The following TMOD3 variants were observed in gnomAD, a reference collection of about 807,000 sequenced individuals.
The protein encoded by TMOD3 is tropomodulin-3.
In TMOD3, 20 loss-of-function variants were observed where a neutral mutation model predicts 39.2. The observed-to-expected ratio is 0.51, with a 90% CI of 0.36 to 0.74. TMOD3 has a LOEUF of 0.74. TMOD3 is among the 30% of genes least tolerant of loss of function. The pLI, the probability that TMOD3 is intolerant of heterozygous loss-of-function variation, is 0.00. For synonymous variants in TMOD3, 143 were observed against 145.8 expected (o/e 0.98, Z 0.14); for missense variants, 381 against 412.8 (o/e 0.92, Z 0.67).
At chr15:51,849,800 G>T (rs909812157) in intron 1 of TMOD3, among the ~76,000 whole-genome samples, 1 of 152,106 alleles carries the variant, frequency 6.6e-6, no homozygotes, top group Non-Finnish European at 1.5e-5. Flanking sequence ...CAGGCATGGT[G>T]GCTCACACCT....
At chr15:51,869,448 C>A in intron 3 of TMOD3, 75 bp downstream of exon 3, 7 of 1,440,094 alleles carry the variant, frequency 4.9e-6, no homozygotes, top group Middle Eastern at 4.0e-4. Context: ...TGGAGAAAAT[C>A]ATATTTTTAG....
intron 2 of TMOD3, among the ~76,000 whole-genome samples, chr15:51,865,212 CAT>C (rs1401268879): frequency 6.6e-6 from 1 of 152,108 alleles, no homozygotes; most frequent in Non-Finnish European, 1.5e-5. Context: ...GACTGAAAAA[CAT>C]AATACCCTCC....
intron 3 of TMOD3, among the ~76,000 whole-genome samples, chr15:51,869,824 A>G (rs2141689846): frequency 6.6e-6 from 1 of 152,306 alleles, no homozygotes; most frequent in South Asian, 2.1e-4. Context: ...ATGATTGCTA[A>G]TGCTTCATAA....
At chr15:51,896,155 A>T (rs1234278709) in intron 6 of TMOD3, among the ~76,000 whole-genome samples, 1 of 151,100 alleles carries the variant, frequency 6.6e-6, no homozygotes, top group East Asian at 1.9e-4. Flanking sequence ...GAGAATAATG[A>T]GAATTTTTTT....
chr15:51,891,216 T>C (rs2554311), intron 5 of TMOD3, among the ~76,000 whole-genome samples: 7,216 of 151,496 alleles, frequency 0.048, 400 homozygotes, highest in African/African-American at 0.12. Flanking sequence ...CCTTAATTTC[T>C]TAACAGTTCT....
chr15:51,905,968 A>AAG (rs2056678000), intron 9 of TMOD3, among the ~76,000 whole-genome samples: 2 of 151,034 alleles, frequency 1.3e-5, no homozygotes, highest in East Asian at 1.9e-4. Context: ...AAAAAAAAAA[A>AAG]AAAAAAAAAA....
At chr15:51,877,939 C>T (rs1345563203) in intron 3 of TMOD3, among the ~76,000 whole-genome samples, 1 of 152,064 alleles carries the variant, frequency 6.6e-6, no homozygotes, top group African/African-American at 2.4e-5. Flanking sequence ...ATACATGTAC[C>T]AGTCGGTGCT....
chr15:51,837,424 CTTT>C (rs75918501), intron 1 of TMOD3, among the ~76,000 whole-genome samples: 1 of 142,068 alleles, frequency 7.0e-6, no homozygotes. Flanking sequence ...GGGAACTATT[CTTT>C]TTTTTTTTTT....
intron 1 of TMOD3, among the ~76,000 whole-genome samples, chr15:51,834,780 T>C (rs8035126): frequency 0.36 from 55,116 of 152,092 alleles, 10,381 homozygotes; most frequent in Middle Eastern, 0.43. Flanking sequence ...TGAGTTGTTA[T>C]CATGCCACTG....
At chr15:51,867,265 G>A in intron 2 of TMOD3, among the ~76,000 whole-genome samples, 1 of 152,166 alleles carries the variant, frequency 6.6e-6, no homozygotes, top group East Asian at 1.9e-4. Flanking sequence ...GTTGGAGATG[G>A]GAAAAAGATG....
At chr15:51,854,904 A>G (rs963742163) in intron 1 of TMOD3, among the ~76,000 whole-genome samples, 2 of 152,232 alleles carry the variant, frequency 1.3e-5, no homozygotes, top group Non-Finnish European at 2.9e-5. Flanking sequence ...AGATTCCATT[A>G]AAAAATTAGC....
chr15:51,875,611 CT>C (rs34898032), intron 3 of TMOD3, among the ~76,000 whole-genome samples: 140 of 116,076 alleles, frequency 1.2e-3, no homozygotes, highest in Middle Eastern at 4.7e-3. Context: ...AAAGTACTGC[CT>C]TTTTTTTTTT....
At chr15:51,888,765 T>C (rs996089702) in intron 4 of TMOD3, among the ~76,000 whole-genome samples, 4 of 152,200 alleles carry the variant, frequency 2.6e-5, no homozygotes, top group Non-Finnish European at 5.9e-5. Context: ...ATTTTCTCTC[T>C]TAGCCACTAG....
intron 2 of TMOD3, among the ~76,000 whole-genome samples, chr15:51,867,084 GA>G (rs1263417676): frequency 6.6e-6 from 1 of 151,824 alleles, no homozygotes; most frequent in Non-Finnish European, 1.5e-5. Context: ...GTACAAGAGA[GA>G]AAAAAAAGTC....
intron 5 of TMOD3, among the ~76,000 whole-genome samples, chr15:51,891,743 G>A (rs2056594607): frequency 6.6e-6 from 1 of 152,166 alleles, no homozygotes; most frequent in African/African-American, 2.4e-5. Flanking sequence ...TCCATTCAAT[G>A]AGGAAGTTCT....
At chr15:51,847,568 A>G (rs1320600289) in intron 1 of TMOD3, among the ~76,000 whole-genome samples, 1 of 152,198 alleles carries the variant, frequency 6.6e-6, no homozygotes, top group Non-Finnish European at 1.5e-5. Context: ...GCTTCATTAT[A>G]TAGAAGAATC....
intron 1 of TMOD3, 90 bp from the exon 2 acceptor site, chr15:51,862,721 G>A (rs2056425265): frequency 3.9e-6 from 2 of 516,086 alleles, no homozygotes; most frequent in Non-Finnish European, 6.3e-6. Context: ...TATGACACAT[G>A]GAAATTACAT....
At chr15:51,838,159 C>G (rs936459520) in intron 1 of TMOD3, among the ~76,000 whole-genome samples, 2 of 152,112 alleles carry the variant, frequency 1.3e-5, no homozygotes, top group African/African-American at 4.8e-5. Context: ...CCTCCCAGCT[C>G]CAACCTTTTT....
intron 3 of TMOD3, among the ~76,000 whole-genome samples, chr15:51,880,414 A>G (rs1595903332): frequency 6.6e-6 from 1 of 152,274 alleles, no homozygotes; most frequent in African/African-American, 2.4e-5. Flanking sequence ...GAATTATGCA[A>G]CCATCACCAC....
Sources: gnomAD v4.1 joint callset for allele counts (sites outside exome capture counted in the v4.1 genomes callset) on GRCh38, gnomAD v4.1.1 for gene constraint, MANE v1.5 for transcripts, NCBI Gene and HGNC (gene_info 2026-07-23, HGNC 2026-07-21) for gene names.